The following IRF8 variants were observed in gnomAD, a reference collection of about 807,000 sequenced individuals.
The protein encoded by IRF8 is interferon regulatory factor 8, also known as interferon consensus sequence binding protein 1.
A neutral mutation model predicts 48.7 loss-of-function variants in IRF8; 14 were observed. That is an observed-to-expected ratio of 0.29 (90% confidence interval 0.19 to 0.45). The LOEUF (loss-of-function observed/expected upper bound fraction) is 0.45. Ranked by LOEUF, IRF8 falls within the 20% of genes least tolerant of loss-of-function variation. The probability of loss-of-function intolerance (pLI) is 1.00; values close to 1 mark genes in which losing one functional copy is unlikely to be tolerated. For missense variants in IRF8, 493 were observed against 580.7 expected (o/e 0.85, Z 1.55); for synonymous variants, 278 against 227.3 (o/e 1.22, Z -2.01).
In IRF8 at chr16:85,921,190, C is replaced by A. The variant is rs756665891; in HGVS notation, c.1189C>A (p.Pro397Thr). 22 of 1,614,084 alleles carry A rather than the reference C, an allele frequency of 1.4e-5. No individual in the cohort carries two copies. In the Admixed American group the frequency reaches 3.5e-4, roughly 26 times the overall value. The change falls in exon 9 of 9, where the codon CCG (proline) becomes ACG (threonine). Residue 397 changes from proline to threonine, a missense_variant. Transcript: ENST00000268638. ...CTCTGTGATGCAGGCCCCCGAGGAG[C>A]CGCCGCCAGACCAGGTCTTCCGGAT... Reference protein sequence around the residue: ...AGSVMQAPEEPPPDQVFRMFP... With the variant: ...AGSVMQAPEETPPDQVFRMFP...
At position 85,921,119 on chromosome 16, in the gene IRF8, A is replaced by G. The variant is rs770530127; in HGVS notation, c.1118A>G (p.Tyr373Cys). Residue 373 changes from tyrosine (Y) to cysteine (C), a missense_variant, in exon 9 of 9, where the codon TAT becomes TGT. Physicochemically the swap from Tyr to Cys is radical, Grantham distance 194. Coordinates refer to ENST00000268638, the MANE Select transcript of IRF8 (RefSeq NM_002163.4). ...CCTCCCATCTAGATTGAGCAGCTGT[A>G]TGTCCGGCAACTGGCAGAAGAGGCT... ...KLILVQIEQL[Y>C]VRQLAEEAGK... The G allele has an allele frequency of 1.9e-6, 3 of 1,613,448 alleles. No individual in the cohort carries two copies. Among genetic ancestry groups the G allele is most frequent in the Non-Finnish European group, 1.7e-6 (2 of 1,179,782 alleles).
chr16:85,903,309 G>A, intron 2 of IRF8, 120 bp downstream of exon 2: 1 of 977,022 alleles, frequency 1.0e-6, no homozygotes, highest in Non-Finnish European at 1.6e-6. Context: ...TTTTTTAAAA[G>A]CAAACATTGG....
intron 1 of IRF8, among the ~76,000 whole-genome samples, chr16:85,900,011 T>C (rs979266602): frequency 1.3e-5 from 2 of 152,156 alleles, no homozygotes; most frequent in African/African-American, 4.8e-5. Context: ...AGGTAAGAAC[T>C]GGTAGTTAAA....
At chr16:85,916,712 A>T (rs1905320181) in intron 6 of IRF8, among the ~76,000 whole-genome samples, 1 of 152,190 alleles carries the variant, frequency 6.6e-6, no homozygotes, top group Non-Finnish European at 1.5e-5. Flanking sequence ...GAGTTGCCTG[A>T]AGCGTTTCAT....
chr16:85,909,244 G>A, intron 3 of IRF8, 71 bp downstream of exon 3: 1 of 1,314,774 alleles, frequency 7.6e-7, no homozygotes, highest in Non-Finnish European at 1.1e-6. Flanking sequence ...ACAGAACTTG[G>A]GTCTGGGGTA....
chr16:85,902,492 C>T (rs1293950065), intron 1 of IRF8, among the ~76,000 whole-genome samples: 3 of 152,204 alleles, frequency 2.0e-5, no homozygotes, highest in Non-Finnish European at 4.4e-5. Flanking sequence ...TGTGAAGGAA[C>T]AGCTATTTAG....
At chr16:85,910,423 G>A (rs1905111014) in intron 3 of IRF8, among the ~76,000 whole-genome samples, 1 of 152,170 alleles carries the variant, frequency 6.6e-6, no homozygotes, top group Non-Finnish European at 1.5e-5. Flanking sequence ...CTATATAATA[G>A]TCTGGGGTGA....
At chr16:85,905,594 G>T (rs1385626358) in intron 2 of IRF8, among the ~76,000 whole-genome samples, 6 of 152,192 alleles carry the variant, frequency 3.9e-5, no homozygotes, top group Non-Finnish European at 8.8e-5. Context: ...TGCCGGTGGA[G>T]ACATGGCGCC....
rs116378133 is a variant in IRF8 at position 85,906,052 on chromosome 16, C to G, written c.174+2863C>G. 1.1e-4 allele frequency among the ~76,000 whole-genome samples: 17 copies of G among 152,212 alleles called. No individual in the cohort carries two copies. The South Asian group carries it at 3.3e-3, about 30-fold the overall frequency. On this transcript the variant is annotated intron_variant, in intron 2 of 8. Coordinates refer to ENST00000268638, the MANE Select transcript of IRF8 (RefSeq NM_002163.4). ...AAAGTACTTTACCTTCTTGACATGA[C>G]GACAAGGGGGGAAAATCTAGTTAAG...
At chr16:85,914,064 T>G (rs1905223770) in intron 5 of IRF8, 1 of 265,022 alleles carries the variant, frequency 3.8e-6, no homozygotes, top group African/African-American at 2.2e-5. Flanking sequence ...GAAAGGCACC[T>G]CTGTCTGTGC....
chr16:85,912,786 G>A (rs1207478709), intron 4 of IRF8, among the ~76,000 whole-genome samples: 2 of 152,336 alleles, frequency 1.3e-5, no homozygotes, highest in African/African-American at 4.8e-5. Context: ...CAGCATCACT[G>A]TTCACTGGTG....
In IRF8 at chr16:85,918,787, C is replaced by T. The variant is rs996522491; in HGVS notation, c.972C>T (p.Thr324=). 5 of 1,609,660 alleles carry T rather than the reference C, an allele frequency of 3.1e-6. No individual in the cohort carries two copies. The Admixed American group carries it at 5.0e-5, about 16-fold the overall frequency. The change falls in exon 7 of 9, where the codon ACC becomes ACT. Residue 324 remains threonine, a synonymous_variant. Coordinates refer to ENST00000268638, the MANE Select transcript of IRF8 (RefSeq NM_002163.4). ...ATGAGGTGGTCCAGGTCTTCGACAC[C>T]AGCCAGTTCTTCCGAGGTCTGTACC... ...ERDEVVQVFD[T]SQFFRELQQF... is the part of the protein sequence containing the mutation.
rs1481364348 is a variant in IRF8 at position 85,918,354 on chromosome 16, TTGG to T, written c.602-62_602-60del. 2.6e-6 allele frequency: 4 copies of T among 1,551,528 alleles called. No homozygotes were observed. The East Asian group carries it at 9.0e-5, about 35-fold the overall frequency. On this transcript the variant is annotated intron_variant, in intron 6 of 8. Transcript: ENST00000268638. ...TGTAGGTGTGAGACAGACTGTGCAC[TTGG>T]GCAGGAGGGACCCTGTATGTCTCCC...
chr16:85,899,716 C>A (rs542719721), intron 1 of IRF8, among the ~76,000 whole-genome samples: 1 of 152,308 alleles, frequency 6.6e-6, no homozygotes, highest in African/African-American at 2.4e-5. Context: ...ATTAAGATTT[C>A]TGAGTCTGGC....
At chr16:85,905,819 G>T (rs1597250386) in intron 2 of IRF8, among the ~76,000 whole-genome samples, 2 of 152,212 alleles carry the variant, frequency 1.3e-5, no homozygotes, top group South Asian at 4.1e-4. Flanking sequence ...AGTTAAGAAA[G>T]AAATTTATGA....
In IRF8 at chr16:85,918,497, C is replaced by A; in HGVS notation, c.682C>A (p.Arg228Ser). The A allele has an allele frequency of 6.3e-7, 1 of 1,593,476 alleles. No individual in the cohort carries two copies. Among genetic ancestry groups the A allele is most frequent in the Non-Finnish European group, 8.5e-7 (1 of 1,175,022 alleles). Residue 228 changes from arginine to serine, a missense_variant, in exon 7 of 9, where the codon CGC (arginine) becomes AGC (serine). Physicochemically the swap from Arg to Ser is moderately radical, Grantham distance 110 (BLOSUM62 -1). Around this residue, in one of 3 missense-constraint regions of IRF8, gnomAD observed 408 missense variants for 449.6 expected, o/e 0.91. Coordinates refer to ENST00000268638, the MANE Select transcript of IRF8 (RefSeq NM_002163.4). ...QATTTCPEGC[R>S]LSLSQPGLPG... ...CACCACCACCTGCCCCGAGGGCTGC[C>A]GCCTGTCCCTGAGCCAGCCTGGGCT...
chr16:85,906,033 C>G (rs1170121090), intron 2 of IRF8, among the ~76,000 whole-genome samples: 1 of 152,158 alleles, frequency 6.6e-6, no homozygotes, highest in East Asian at 1.9e-4. Context: ...TTAAAAAGTA[C>G]TTTACCTTCT....
intron 7 of IRF8, 114 bp from the exon 8 acceptor site, chr16:85,919,995 C>A: frequency 2.5e-6 from 2 of 791,640 alleles, no homozygotes; most frequent in Non-Finnish European, 4.4e-6. Flanking sequence ...TCCCATGGTG[C>A]CCTGGCCTAA....
In IRF8 at chr16:85,921,195, G is replaced by T. The variant is rs2270503; in HGVS notation, c.1194G>T (p.Pro398=). The change falls in exon 9 of 9, where the codon CCG becomes CCT. Residue 398 remains proline (P), a synonymous_variant. Transcript: ENST00000268638. ...GSVMQAPEEP[P]PDQVFRMFPD... ...TGATGCAGGCCCCCGAGGAGCCGCC[G>T]CCAGACCAGGTCTTCCGGATGTTTC... 2.5e-6 allele frequency: 4 copies of T among 1,614,174 alleles called. No individual in the cohort carries two copies. The highest frequency in any genetic ancestry group is 3.4e-6 in the Non-Finnish European group (4 of 1,180,036).
Sources: gnomAD v4.1 joint callset for allele counts (sites outside exome capture counted in the v4.1 genomes callset) on GRCh38, gnomAD v4.1.1 for gene constraint, gnomAD v4.1.1 regional missense constraint, MANE v1.5 for transcripts, NCBI Gene and HGNC (gene_info 2026-07-23, HGNC 2026-07-21) for gene names.